Variants in DLK1 observed in about 807,000 individuals in gnomAD.
DLK1 encodes the protein protein delta homolog 1.
Under a neutral mutation model 35.2 loss-of-function variants are expected in DLK1, and 9 were observed. That is an observed-to-expected ratio of 0.26 (90% CI 0.15 to 0.45). DLK1 has a LOEUF of 0.45. DLK1 is among the 20% of genes least tolerant of loss of function. The pLI, the probability that DLK1 is intolerant of heterozygous loss-of-function variation, is 1.00. For missense variants in DLK1, 522 were observed against 528.5 expected (o/e 0.99, Z 0.12); for synonymous variants, 231 against 228.4 (o/e 1.01, Z -0.10).
At chr14:100,727,521 G>A (rs2036450232) in intron 1 of DLK1, among the ~76,000 whole-genome samples, 1 of 152,192 alleles carries the variant, frequency 6.6e-6, no homozygotes, top group Non-Finnish European at 1.5e-5. Context: ...GGGCGGGAGT[G>A]GGGGACGACT....
intron 1 of DLK1, among the ~76,000 whole-genome samples, chr14:100,727,722 A>G (rs569950014): frequency 2.0e-5 from 3 of 152,274 alleles, no homozygotes; most frequent in African/African-American, 7.2e-5. Flanking sequence ...CTGTCTAGAA[A>G]GCTGGGGAGC....
At position 100,734,957 on chromosome 14, in the gene DLK1, C is replaced by A; in HGVS notation, c.*61C>A. The A allele has an allele frequency of 6.7e-7, 1 of 1,501,882 alleles. No homozygotes were observed. Among genetic ancestry groups the A allele is most frequent in the South Asian group, 1.3e-5 (1 of 75,174 alleles). 93.0% of individuals were successfully genotyped at this position (1,501,882 alleles called of 1,614,324 possible). ...TTCCGCAGAGCTTACTATACGCGGT[C>A]TGTCCTAATCTTTGTGGTGTTCGCT... On this transcript the variant is annotated 3_prime_UTR_variant, in exon 5 of 5. Transcript: ENST00000341267. The surrounding 1 kb of genome is among the most constrained non-coding windows in gnomAD (Gnocchi z 7.4).
rs769729849 is a variant in DLK1, at chr14:100,734,606, T to A, written c.862T>A (p.Ser288Thr). The A allele has an allele frequency of 6.2e-7, 1 of 1,613,806 alleles. No individual in the cohort carries two copies. Among genetic ancestry groups the A allele is most frequent in the Admixed American group, 1.7e-5 (1 of 60,026 alleles). ...GCCGGAGCACCGCATCCTGAAGGTGTCCATGAAAGAGCTCAACAAGAAAAC... is the reference window on the plus strand; with the variant it reads ...GCCGGAGCACCGCATCCTGAAGGTGACCATGAAAGAGCTCAACAAGAAAAC... ...QQPEHRILKV[S>T]MKELNKKTPL... is the part of the protein sequence containing the mutation. The change falls in exon 5 of 5, where the codon TCC (serine) becomes ACC (threonine). Residue 288 changes from serine (S) to threonine (T), a missense_variant. Ser to Thr is a moderately conservative substitution (Grantham distance 58). Coordinates refer to ENST00000341267, the MANE Select transcript of DLK1 (RefSeq NM_003836.7). This position sits in a 1 kb window ranked among gnomAD's most constrained non-coding sequence, Gnocchi z 7.4.
Position 100,734,032 on chromosome 14 carries a change from G to A in DLK1, c.405-117G>A. ...CCTCGCTCCCTCATTCACCTGATGT[G>A]TTTTAAGCACCTGCCCCTTAGTCAG... On this transcript the variant is annotated intron_variant, in intron 4 of 4. Coordinates refer to ENST00000341267, the MANE Select transcript of DLK1 (RefSeq NM_003836.7). This position sits in a 1 kb window ranked among gnomAD's most constrained non-coding sequence, Gnocchi z 7.4. The A allele has an allele frequency of 7.3e-7, 1 of 1,364,724 alleles. No individual in the cohort carries two copies. The highest frequency in any genetic ancestry group is 9.7e-7 in the Non-Finnish European group (1 of 1,027,046). 84.5% of individuals were successfully genotyped at this position (1,364,724 alleles called of 1,614,324 possible).
In DLK1 at chr14:100,726,902, C is replaced by A. The variant is rs1442733402; in HGVS notation, c.-167C>A. 1 of 501,368 alleles carries A rather than the reference C, an allele frequency of 2.0e-6. No homozygotes were observed. The highest frequency in any genetic ancestry group is 3.0e-6 in the Non-Finnish European group (1 of 338,950). 31.1% of individuals were successfully genotyped at this position (501,368 alleles called of 1,614,324 possible). ...GCGCGCGGCGGCGGCGGCAGCTCCC[C>A]GGCAGCGGCGGTGGAGAGCGCAGCG... On this transcript the variant is annotated 5_prime_UTR_variant, in exon 1 of 5. Transcript: ENST00000341267. This position sits in a 1 kb window ranked among gnomAD's most constrained non-coding sequence, Gnocchi z 4.2.
At position 100,736,907 on chromosome 14, in the gene DLK1, C is replaced by G. The variant is rs1237220573; in HGVS notation, c.*2011C>G. Reference sequence around the variant, plus strand: ...CCCCCAATCCTTCCCCTCCTGTTAGCCCACCCCTCCTTTCCTATCACCCCC... The same window carrying G: ...CCCCCAATCCTTCCCCTCCTGTTAGGCCACCCCTCCTTTCCTATCACCCCC... On this transcript the variant is annotated 3_prime_UTR_variant, in exon 5 of 5. Coordinates refer to ENST00000341267, the MANE Select transcript of DLK1 (RefSeq NM_003836.7). 8.2e-6 allele frequency: 1 copy of G among 122,692 alleles called. No individual in the cohort carries two copies. The highest frequency in any genetic ancestry group is 1.7e-5 in the Non-Finnish European group (1 of 59,234). 7.6% of individuals were successfully genotyped at this position (122,692 alleles called of 1,614,324 possible).
At chr14:100,733,959 G>A (rs1342001307) in intron 4 of DLK1, among the ~76,000 whole-genome samples, 190 bp from the exon 5 acceptor site, 2 of 148,540 alleles carry the variant, frequency 1.3e-5, no homozygotes, top group Non-Finnish European at 3.0e-5. Flanking sequence ...GCAGACAGGG[G>A]TCACGGCCCC....
Position 100,726,991 on chromosome 14 carries a change from A to G in DLK1, c.-78A>G. On this transcript the variant is annotated 5_prime_UTR_variant, in exon 1 of 5. Transcript: ENST00000341267. This position sits in a 1 kb window ranked among gnomAD's most constrained non-coding sequence, Gnocchi z 4.2. Reference sequence around the variant, plus strand: ...GCCCGCGCCCCCTTTCGCGTCCGCAACCAGAAGCCCAGTGCGGCGCCAGGA... The same window carrying G: ...GCCCGCGCCCCCTTTCGCGTCCGCAGCCAGAAGCCCAGTGCGGCGCCAGGA... 5.8e-6 allele frequency: 8 copies of G among 1,388,708 alleles called. No individual in the cohort carries two copies. Among genetic ancestry groups the G allele is most frequent in the Non-Finnish European group, 7.5e-6 (8 of 1,060,824 alleles). The allele number at this position is 1,388,708 out of a possible 1,614,324, so 86.0% of individuals were successfully genotyped here. A position where few individuals can be genotyped will look rare whatever the true frequency, so the allele number is the denominator to read the frequency against.
Position 100,734,948 on chromosome 14 carries a change from A to G in DLK1, c.*52A>G. ...TTCTTGGAGTTCCGCAGAGCTTACT[A>G]TACGCGGTCTGTCCTAATCTTTGTG... is the stretch of plus-strand genomic sequence containing the variant. On this transcript the variant is annotated 3_prime_UTR_variant, in exon 5 of 5. Transcript: ENST00000341267. The surrounding 1 kb of genome is among the most constrained non-coding windows in gnomAD (Gnocchi z 7.4). The G allele has an allele frequency of 1.3e-6, 2 of 1,520,462 alleles. No homozygotes were observed. The highest frequency in any genetic ancestry group is 1.8e-6 in the Non-Finnish European group (2 of 1,141,384). The allele number at this position is 1,520,462 out of a possible 1,614,324, so 94.2% of individuals were successfully genotyped here. A position where few individuals can be genotyped will look rare whatever the true frequency, so the allele number is the denominator to read the frequency against.
chr14:100,727,179 C>T (rs762451584), intron 1 of DLK1, 44 bp downstream of exon 1: 3 of 1,508,510 alleles, frequency 2.0e-6, no homozygotes, highest in Admixed American at 2.1e-5. Context: ...CTGGGGAAGC[C>T]TGCGACTCCC....
Position 100,734,524 on chromosome 14 carries a change from C to A in DLK1, c.780C>A (p.Ser260Arg), listed in dbSNP as rs1030350283. The change falls in exon 5 of 5, where the codon AGC becomes AGA. Residue 260 changes from serine (S) to arginine (R), a missense_variant. By Grantham distance (110) the Ser-to-Arg change is moderately radical. Transcript: ENST00000341267. The surrounding 1 kb of genome is among the most constrained non-coding windows in gnomAD (Gnocchi z 7.4). ...CCCAGCAGGTCACCCGTCTGCCCAGCGGCTATGGGCTGGCCTACCGCCTGA... is the reference window on the plus strand; with the variant it reads ...CCCAGCAGGTCACCCGTCTGCCCAGAGGCTATGGGCTGGCCTACCGCCTGA... ...LSPQQVTRLP[S>R]GYGLAYRLTP... 6.2e-7 allele frequency: 1 copy of A among 1,611,520 alleles called. No homozygotes were observed. Among genetic ancestry groups the A allele is most frequent in the Non-Finnish European group, 8.5e-7 (1 of 1,178,842 alleles).
In DLK1 at chr14:100,735,793, C is replaced by T. The variant is rs558791681; in HGVS notation, c.*897C>T. On this transcript the variant is annotated 3_prime_UTR_variant, in exon 5 of 5. Transcript: ENST00000341267. ...GTGGGGAGCCTCCTGGCCCACTTCC[C>T]TTTTGGGAAAAAATAGCCCCTTTGA... 1.5e-3 allele frequency: 222 copies of T among 152,326 alleles called. 2 individuals are homozygous for T. Among genetic ancestry groups the T allele is most frequent in the African/African-American group, 5.2e-3 (218 of 41,564 alleles). The allele number at this position is 152,326 out of a possible 1,614,324, so 9.4% of individuals were successfully genotyped here. A position where few individuals can be genotyped will look rare whatever the true frequency, so the allele number is the denominator to read the frequency against.
At chr14:100,728,262 G>C (rs2036460509) in intron 1 of DLK1, 134 bp from the exon 2 acceptor site, 3 of 861,342 alleles carry the variant, frequency 3.5e-6, no homozygotes, top group African/African-American at 3.3e-5. Context: ...AGTGCCTACT[G>C]TGTGCCAGGC....
At chr14:100,727,835 G>A (rs1408361288) in intron 1 of DLK1, among the ~76,000 whole-genome samples, 2 of 152,098 alleles carry the variant, frequency 1.3e-5, no homozygotes, top group South Asian at 2.1e-4. Context: ...TGTCGTCATC[G>A]TTTTTTTAAT....
chr14:100,729,243 CAGAG>C, intron 3 of DLK1, 177 bp downstream of exon 3: 1 of 1,113,838 alleles, frequency 9.0e-7, no homozygotes, highest in Non-Finnish European at 1.3e-6. Context: ...AATGCCTCCT[CAGAG>C]GTAGGGACTT....
Position 100,728,991 on chromosome 14 carries a change from T to C in DLK1, c.187T>C (p.Cys63Arg). The C allele has an allele frequency of 6.2e-7, 1 of 1,614,142 alleles. No individual in the cohort carries two copies. The highest frequency in any genetic ancestry group is 8.5e-7 in the Non-Finnish European group (1 of 1,180,034). The change falls in exon 3 of 5, where the codon TGC becomes CGC. Residue 63 changes from cysteine to arginine, a missense_variant. By Grantham distance (180) the Cys-to-Arg change is radical. Transcript: ENST00000341267. ...TGACCAGTGCGTGACCTCTCCCGGC[T>C]GCCTTCACGGACTCTGTGGAGAACC... is the stretch of plus-strand genomic sequence containing the variant. ...LCDQCVTSPG[C>R]LHGLCGEPGQ...
rs2036517476 is a variant in DLK1 at position 100,732,178 on chromosome 14, C to A, written c.399C>A (p.Ile133=). 1 of 1,612,836 alleles carries A rather than the reference C, an allele frequency of 6.2e-7. No homozygotes were observed. Residue 133 remains isoleucine, a synonymous_variant, in exon 4 of 5, where the codon ATC becomes ATA. Coordinates refer to ENST00000341267, the MANE Select transcript of DLK1 (RefSeq NM_003836.7). ...DCQKKDGPCV[I]NGSPCQHGGT... is the part of the protein sequence containing the mutation. Reference sequence around the variant, plus strand: ...AGAAAAAGGACGGGCCCTGTGTGATCAACGGGTAAATATCCTTCCTGTGTG... The same window carrying A: ...AGAAAAAGGACGGGCCCTGTGTGATAAACGGGTAAATATCCTTCCTGTGTG...
chr14:100,732,069 G>C lies in DLK1; in HGVS notation c.290G>C (p.Cys97Ser). ...GTTCGGGCCTGCTCCTCGGCCCCCT[G>C]TGCCAACAACAGGACCTGCGTGAGC... ...RDVRACSSAPCANNRTCVSLD... is the reference protein window; with the variant it reads ...RDVRACSSAPSANNRTCVSLD... The change falls in exon 4 of 5, where the codon TGT becomes TCT. Residue 97 changes from cysteine to serine, a missense_variant. Cys to Ser is a moderately radical substitution (Grantham distance 112, BLOSUM62 -1). Coordinates refer to ENST00000341267, the MANE Select transcript of DLK1 (RefSeq NM_003836.7). 1.9e-6 allele frequency: 3 copies of C among 1,613,904 alleles called. No homozygotes were observed. The highest frequency in any genetic ancestry group is 2.5e-6 in the Non-Finnish European group (3 of 1,179,868).
chr14:100,729,633 A>C (rs1177933984), intron 3 of DLK1, among the ~76,000 whole-genome samples: 1 of 152,188 alleles, frequency 6.6e-6, no homozygotes, highest in African/African-American at 2.4e-5. Flanking sequence ...GGAAAAGCTG[A>C]GAAAGGGTTA....
Sources: gnomAD v4.1 joint callset for allele counts (sites outside exome capture counted in the v4.1 genomes callset) on GRCh38, gnomAD v4.1.1 for gene constraint, Gnocchi (gnomAD v3.1) non-coding constraint, MANE v1.5 for transcripts, NCBI Gene and HGNC (gene_info 2026-07-23, HGNC 2026-07-21) for gene names.